ODAD4: variants seen among roughly 807,000 people sequenced by gnomAD.
The protein encoded by ODAD4 is outer dynein arm-docking complex subunit 4.
Under a neutral mutation model 51.8 loss-of-function variants are expected in ODAD4, and 49 were observed. The observed-to-expected ratio is 0.95, with a 90% CI of 0.75 to 1.20. ODAD4 has a LOEUF of 1.20. Among genes scored for constraint, ODAD4 ranks in the 50% most tolerant of loss-of-function variants. The pLI is 0.00. For synonymous variants in ODAD4, 235 were observed against 221.3 expected (o/e 1.06, Z -0.55); for missense variants, 590 against 586.5 (o/e 1.01, Z -0.06).
intron 10 of ODAD4, among the ~76,000 whole-genome samples, chr17:41,960,428 A>G (rs1223272360): frequency 1.3e-5 from 2 of 151,052 alleles, no homozygotes; most frequent in Non-Finnish European, 2.9e-5. Context: ...AGCATGCATG[A>G]TAGAGCGAGA....
chr17:41,953,666 T>TAGAG (rs140951418), intron 9 of ODAD4, among the ~76,000 whole-genome samples: 69 of 147,638 alleles, frequency 4.7e-4, no homozygotes, highest in African/African-American at 9.2e-4. Flanking sequence ...TATATATATA[T>TAGAG]ATAGAGAGAG....
chr17:41,940,920 A>G (rs893738225), intron 7 of ODAD4, among the ~76,000 whole-genome samples: 13 of 152,058 alleles, frequency 8.5e-5, no homozygotes, highest in Non-Finnish European at 1.8e-4. Flanking sequence ...CTTCCTCCCA[A>G]ACTTACTTCT....
At chr17:41,951,741 AG>A (rs2050655401) in intron 9 of ODAD4, among the ~76,000 whole-genome samples, 1 of 150,788 alleles carries the variant, frequency 6.6e-6, no homozygotes, top group African/African-American at 2.4e-5. Context: ...AAAATTAGCC[AG>A]GTGTGGTGGC....
Position 41,965,475 on chromosome 17 carries a change from TATGA to T in ODAD4, c.2017_*1del. 2 of 768,788 alleles carry T rather than the reference TATGA, an allele frequency of 2.6e-6. No individual in the cohort carries two copies. The allele number at this position is 768,788 out of a possible 1,614,324, so 47.6% of individuals were successfully genotyped here. Reference sequence around the variant, plus strand: ...AACAGGAAATGAGATGGAAAAGGAATATGAATGAAGCCATCGGTAGAGATGAGGA... The same window carrying T: ...AACAGGAAATGAGATGGAAAAGGAATATGAAGCCATCGGTAGAGATGAGGA... On this transcript the variant is annotated frameshift_variant, in exon 12 of 12. Transcript: ENST00000377540. LOFTEE classifies it high-confidence loss of function.
At chr17:41,935,504 A>C (rs1555637594) in intron 2 of ODAD4, 95 bp from the exon 3 acceptor site, 2 of 1,519,422 alleles carry the variant, frequency 1.3e-6, no homozygotes, top group African/African-American at 2.8e-5. Context: ...CTGTATTCCA[A>C]CCTTGACCTT....
Position 41,935,697 on chromosome 17 carries a change from A to G in ODAD4, c.345A>G (p.Glu115=). The G allele has an allele frequency of 6.2e-7, 1 of 1,613,992 alleles. No homozygotes were observed. The highest frequency in any genetic ancestry group is 8.5e-7 in the Non-Finnish European group (1 of 1,179,874). Residue 115 remains glutamate (E), a synonymous_variant, in exon 3 of 12, where the codon GAA becomes GAG. Coordinates refer to ENST00000377540, the MANE Select transcript of ODAD4 (RefSeq NM_031421.5). The stretch of plus-strand genomic sequence containing the variant: ...GCTACAAGCTGAGGCCTGATCGGGA[A>G]TTCAGAGTTGGCATTCAGAAAGCCC... ...HRGYKLRPDR[E]FRVGIQKAQE... is the part of the protein sequence containing the mutation.
chr17:41,951,649 C>A (rs371298739), intron 9 of ODAD4, among the ~76,000 whole-genome samples: 4 of 151,206 alleles, frequency 2.6e-5, no homozygotes, highest in Non-Finnish European at 4.4e-5. Context: ...TTTGGGAGGC[C>A]GAGGCAGGTG....
chr17:41,948,605 T>C (rs1474043569), intron 8 of ODAD4, among the ~76,000 whole-genome samples: 1 of 152,012 alleles, frequency 6.6e-6, no homozygotes, highest in African/African-American at 2.4e-5. Context: ...GCCACCATAC[T>C]TGGTAATAAT....
intron 7 of ODAD4, among the ~76,000 whole-genome samples, chr17:41,942,278 C>T (rs2050517536): frequency 6.6e-6 from 1 of 152,196 alleles, no homozygotes; most frequent in African/African-American, 2.4e-5. Context: ...CCCAGGCTTA[C>T]TCCAGTCTTC....
intron 10 of ODAD4, among the ~76,000 whole-genome samples, chr17:41,960,629 G>T (rs2050792957): frequency 1.3e-5 from 2 of 152,198 alleles, no homozygotes; most frequent in Non-Finnish European, 2.9e-5. Context: ...AAGGGTTAGG[G>T]GCAGAGAGAA....
chr17:41,930,899 T>TTC, intron 1 of ODAD4, 62 bp downstream of exon 1: 1 of 1,025,550 alleles, frequency 9.8e-7, no homozygotes. Context: ...TTTTTTTTTT[T>TTC]TTTTTTTTTT....
intron 9 of ODAD4, among the ~76,000 whole-genome samples, chr17:41,950,805 T>C (rs2050641921): frequency 6.6e-6 from 1 of 151,812 alleles, no homozygotes; most frequent in African/African-American, 2.4e-5. Flanking sequence ...GTCTCCTGGG[T>C]TCAAGCGATT....
chr17:41,964,123 C>T (rs542391662), intron 11 of ODAD4, among the ~76,000 whole-genome samples: 132 of 151,480 alleles, frequency 8.7e-4, no homozygotes, highest in African/African-American at 3.2e-3. Flanking sequence ...TACAATGGCA[C>T]AATCTTGGCT....
chr17:41,939,464 A>G (rs1160138223), intron 7 of ODAD4, among the ~76,000 whole-genome samples: 2 of 152,242 alleles, frequency 1.3e-5, no homozygotes, highest in Non-Finnish European at 2.9e-5. Flanking sequence ...AGCATGCATG[A>G]AGCCCCAGAC....
intron 9 of ODAD4, 138 bp downstream of exon 9, chr17:41,949,487 C>G: frequency 5.1e-6 from 2 of 395,916 alleles, no homozygotes; most frequent in Non-Finnish European, 4.4e-6. Context: ...GGATAAGCCA[C>G]TCTATTTTGA....
At chr17:41,956,485 CTTTTTTTTT>C (rs33985289) in intron 10 of ODAD4, among the ~76,000 whole-genome samples, 3 of 110,944 alleles carry the variant, frequency 2.7e-5, no homozygotes, top group Admixed American at 2.3e-4. Flanking sequence ...CATGCCCGGC[CTTTTTTTTT>C]TTTTTTTTTT....
chr17:41,947,115 G>C (rs2050599775), intron 8 of ODAD4, among the ~76,000 whole-genome samples: 1 of 151,456 alleles, frequency 6.6e-6, no homozygotes, highest in Non-Finnish European at 1.5e-5. Context: ...CTCCCAAAGT[G>C]CTGGGATTAC....
intron 10 of ODAD4, among the ~76,000 whole-genome samples, chr17:41,959,429 A>G (rs1183581363): frequency 6.6e-6 from 1 of 152,174 alleles, no homozygotes; most frequent in Non-Finnish European, 1.5e-5. Flanking sequence ...AGATTGCATA[A>G]CTTGTGGGCA....
At position 41,965,634 on chromosome 17, in the gene ODAD4, G is replaced by A. The variant is rs1410991258; in HGVS notation, c.*151G>A. 7 of 596,696 alleles carry A rather than the reference G, an allele frequency of 1.2e-5. No individual in the cohort carries two copies. In the African/African-American group the frequency reaches 1.3e-4, roughly 11 times the overall value. The allele number at this position is 596,696 out of a possible 1,614,324, so 37.0% of individuals were successfully genotyped here. The stretch of plus-strand genomic sequence containing the variant: ...ATCACTATTTTGCCATTAAATAGGT[G>A]TCTTTCACTCTTGCAAACCCTGAGT... On this transcript the variant is annotated 3_prime_UTR_variant, in exon 12 of 12. Transcript: ENST00000377540.
Sources: allele counts gnomAD v4.1 joint callset (sites outside exome capture counted in the v4.1 genomes callset), GRCh38; gene constraint gnomAD v4.1.1; transcripts MANE v1.5; gene names NCBI Gene and HGNC (gene_info 2026-07-23, HGNC 2026-07-21).